Variants in BTBD9 observed in about 807,000 individuals in gnomAD.
BTBD9 encodes the protein BTB/POZ domain-containing protein 9.
Under a neutral mutation model 64.3 loss-of-function variants are expected in BTBD9, and 49 were observed. The observed-to-expected ratio is 0.76, with a 90% CI of 0.61 to 0.97. The LOEUF is 0.97. Among genes scored for constraint, BTBD9 ranks in the 50% least tolerant of loss-of-function variants. BTBD9 has a pLI of 0.00. For synonymous variants in BTBD9, 260 were observed against 274.7 expected, an observed-to-expected ratio of 0.95 and a Z score of 0.53; for missense variants, 598 against 762.1, an observed-to-expected ratio of 0.78 and a Z score of 2.53.
chr6:38,432,739 T>G (rs1159040352), intron 6 of BTBD9, among the ~76,000 whole-genome samples: 1 of 151,902 alleles, frequency 6.6e-6, no homozygotes, highest in Non-Finnish European at 1.5e-5. Context: ...AGAGGCAGAT[T>G]CAGTGTATGA....
intron 6 of BTBD9, among the ~76,000 whole-genome samples, chr6:38,462,422 T>G (rs552983723): frequency 2.6e-5 from 4 of 152,260 alleles, no homozygotes; most frequent in Non-Finnish European, 5.9e-5. Context: ...TTCCACTGAA[T>G]TGCCTTTGCA....
At chr6:38,486,637 T>G (rs1323808492) in intron 6 of BTBD9, among the ~76,000 whole-genome samples, 1 of 152,198 alleles carries the variant, frequency 6.6e-6, no homozygotes, top group Non-Finnish European at 1.5e-5. Flanking sequence ...GGGTGTGGTT[T>G]GTGATGTTCC....
intron 6 of BTBD9, among the ~76,000 whole-genome samples, chr6:38,535,905 C>T (rs1774002059): frequency 6.6e-6 from 1 of 152,052 alleles, no homozygotes; most frequent in Non-Finnish European, 1.5e-5. Flanking sequence ...AAACAAAACA[C>T]TGAGGAAACC....
chr6:38,591,591 T>C (rs189463256), intron 4 of BTBD9, among the ~76,000 whole-genome samples: 2 of 152,302 alleles, frequency 1.3e-5, no homozygotes, highest in East Asian at 1.9e-4. Context: ...CCAAACTACA[T>C]AGGTTTGACT....
chr6:38,456,920 C>T (rs1215299211), intron 6 of BTBD9, among the ~76,000 whole-genome samples: 1 of 152,012 alleles, frequency 6.6e-6, no homozygotes, highest in Non-Finnish European at 1.5e-5. Context: ...ATAAAAAGCA[C>T]TTTGAAGGAA....
At chr6:38,222,395 G>A (rs1304218531) in intron 9 of BTBD9, among the ~76,000 whole-genome samples, 1 of 150,912 alleles carries the variant, frequency 6.6e-6, no homozygotes, top group Admixed American at 6.6e-5. Context: ...CGAGTAGCTG[G>A]GACTACAGGT....
chr6:38,512,536 C>T (rs1030338627), intron 6 of BTBD9, among the ~76,000 whole-genome samples: 2 of 152,150 alleles, frequency 1.3e-5, no homozygotes, highest in Non-Finnish European at 2.9e-5. Flanking sequence ...TGAATTCTTC[C>T]ACACCTTTAA....
chr6:38,476,778 G>A (rs1018019023), intron 6 of BTBD9, among the ~76,000 whole-genome samples: 5 of 152,216 alleles, frequency 3.3e-5, no homozygotes, highest in East Asian at 1.9e-4. Context: ...TAGAGACAGC[G>A]TATCCAGCTT....
chr6:38,340,071 T>A (rs1252896221), intron 7 of BTBD9, among the ~76,000 whole-genome samples: 2 of 152,114 alleles, frequency 1.3e-5, no homozygotes, highest in African/African-American at 2.4e-5. Flanking sequence ...GAAAAAGAGA[T>A]GAAAGAAAGA....
At chr6:38,256,885 T>C (rs1334769981) in intron 8 of BTBD9, among the ~76,000 whole-genome samples, 2 of 152,066 alleles carry the variant, frequency 1.3e-5, no homozygotes, top group Non-Finnish European at 2.9e-5. Context: ...GAGTTGATTT[T>C]TATTTTTATT....
intron 6 of BTBD9, among the ~76,000 whole-genome samples, chr6:38,394,247 G>A (rs142952979): frequency 8.0e-4 from 122 of 152,294 alleles, no homozygotes; most frequent in African/African-American, 2.8e-3. Context: ...TACGAAAGGA[G>A]AAAGACAGGG....
chr6:38,534,835 A>C (rs1185326802), intron 6 of BTBD9, among the ~76,000 whole-genome samples: 1 of 152,130 alleles, frequency 6.6e-6, no homozygotes, highest in Non-Finnish European at 1.5e-5. Flanking sequence ...CATGAGAAGA[A>C]CCCTCAAGAA....
chr6:38,399,541 A>G (rs557625590), intron 6 of BTBD9, among the ~76,000 whole-genome samples: 2 of 152,328 alleles, frequency 1.3e-5, no homozygotes, highest in African/African-American at 4.8e-5. Flanking sequence ...AGGTTCACCA[A>G]CCACCCCAGA....
chr6:38,534,070 T>C (rs1329742716), intron 6 of BTBD9, among the ~76,000 whole-genome samples: 2 of 151,606 alleles, frequency 1.3e-5, no homozygotes, highest in South Asian at 4.2e-4. Flanking sequence ...AACAAACCAA[T>C]TGGAAAGACT....
chr6:38,628,214 T>G (rs1027803883), intron 1 of BTBD9, among the ~76,000 whole-genome samples: 2 of 151,926 alleles, frequency 1.3e-5, no homozygotes, highest in Non-Finnish European at 2.9e-5. Flanking sequence ...AAATGAAAAA[T>G]AGAGAGAGGG....
chr6:38,444,493 T>C (rs1769183268), intron 6 of BTBD9, among the ~76,000 whole-genome samples: 2 of 152,078 alleles, frequency 1.3e-5, no homozygotes, highest in Admixed American at 6.5e-5. Flanking sequence ...ATAAGGAAAA[T>C]GGTTGTTGTG....
intron 7 of BTBD9, among the ~76,000 whole-genome samples, chr6:38,308,937 T>C (rs753525680): frequency 6.6e-6 from 1 of 151,930 alleles, no homozygotes; most frequent in Non-Finnish European, 1.5e-5. Context: ...AGAGTTATTT[T>C]TGTACCACAC....
At chr6:38,478,365 T>C (rs1370978534) in intron 6 of BTBD9, among the ~76,000 whole-genome samples, 6 of 152,258 alleles carry the variant, frequency 3.9e-5, no homozygotes, top group Middle Eastern at 3.2e-3. Flanking sequence ...ATCCATTTAC[T>C]GGTCTTTTAA....
At chr6:38,191,560 C>T (rs1193075214) in intron 10 of BTBD9, among the ~76,000 whole-genome samples, 2 of 152,258 alleles carry the variant, frequency 1.3e-5, no homozygotes, top group African/African-American at 2.4e-5. Context: ...TAGCCCCTCA[C>T]AGGCACCCAG....
Sources: gnomAD v4.1 joint callset for allele counts (sites outside exome capture counted in the v4.1 genomes callset) on GRCh38, gnomAD v4.1.1 for gene constraint, MANE v1.5 for transcripts, NCBI Gene and HGNC (gene_info 2026-07-23, HGNC 2026-07-21) for gene names.